BTNL2: variants seen among roughly 807,000 people sequenced by gnomAD.
BTNL2 encodes butyrophilin like 2.
In BTNL2, 46 loss-of-function variants were observed where a neutral mutation model predicts 46.8. The ratio of observed to expected loss-of-function variants is 0.98; its 90% CI spans 0.78 to 1.26. The LOEUF is 1.26. Ranked by LOEUF, BTNL2 falls within the 50% of genes most tolerant of loss-of-function variation. The pLI, the probability that BTNL2 is intolerant of heterozygous loss-of-function variation, is 0.00. For missense variants in BTNL2, 461 were observed against 592.6 expected, an observed-to-expected ratio of 0.78 and a Z score of 2.31; for synonymous variants, 226 against 229.1, an observed-to-expected ratio of 0.99 and a Z score of 0.12.
intron 5 of BTNL2, 29 bp from the exon 6 acceptor site, chr6:32,395,054 G>C (rs1776362806): frequency 6.5e-7 from 1 of 1,535,646 alleles, no homozygotes; most frequent in African/African-American, 1.4e-5. Context: ...CCAAAGCCTG[G>C]GGTCCTTTCA....
chr6:32,394,744 C>G lies in BTNL2; in HGVS notation c.1360G>C (p.Glu454Gln), dbSNP rs28362675. The G allele has an allele frequency of 7.4e-5, 120 of 1,611,096 alleles. No individual in the cohort carries two copies. The highest frequency in any genetic ancestry group is 1.3e-4 in the Admixed American group (8 of 59,952). Reference protein sequence around the residue: ...EEKIATFSLSESRMTFLWKTL... With the variant: ...EEKIATFSLSQSRMTFLWKTL... ...TGAAGGAACATAAGGAATCACCAACCTGAGAGAGAAAAAGTTGCGATTTTC... is the reference window on the plus strand; with the variant it reads ...TGAAGGAACATAAGGAATCACCAACGTGAGAGAGAAAAAGTTGCGATTTTC... Residue 454 changes from glutamate (E) to glutamine (Q), a missense_variant and splice_region_variant, in exon 6 of 8, where the codon GAG becomes CAG. Coordinates refer to ENST00000454136, the MANE Select transcript of BTNL2 (RefSeq NM_001304561.2). This position sits in a 1 kb window ranked among gnomAD's most constrained non-coding sequence, Gnocchi z 4.6.
chr6:32,393,941 T>C lies in BTNL2; in HGVS notation c.*6+22A>G. ...CGGTTCCCACTGCAGTGTGCTCCGC[T>C]GTTTCTGTTTCCCTGACTTACCTCT... On this transcript the variant is annotated intron_variant, in intron 7 of 7. Transcript: ENST00000454136. The surrounding 1 kb of genome is among the most constrained non-coding windows in gnomAD (Gnocchi z 4.8). 6.5e-7 allele frequency: 1 copy of C among 1,548,860 alleles called. No individual in the cohort carries two copies. The highest frequency in any genetic ancestry group is 1.2e-5 in the South Asian group (1 of 83,892).
rs138855114 is a variant in BTNL2 at position 32,399,888 on chromosome 6, A to G, written c.730+1897T>C. Among the ~76,000 whole-genome samples, 2,665 of 152,258 alleles carry G rather than the reference A, an allele frequency of 0.018. 77 individuals are homozygous for G. The highest frequency in any genetic ancestry group is 0.11 in the East Asian group (568 of 5,188). ...GTCCCATCATTAGAGCTCACCTGCA[A>G]AGCTTCCGTGCCCAGAGCCCTCCTC... is the stretch of plus-strand genomic sequence containing the variant. On this transcript the variant is annotated intron_variant, in intron 4 of 7. Transcript: ENST00000454136. This position sits in a 1 kb window ranked among gnomAD's most constrained non-coding sequence, Gnocchi z 5.2.
In BTNL2 at chr6:32,404,938, C is replaced by A. The variant is rs545178082; in HGVS notation, c.427+1G>T. ...CCCTGTGTCTTTCCCCAGATATTCA[C>A]CTGCTACTTTGAGCAGCAAGCTTGT... is the stretch of plus-strand genomic sequence containing the variant. On this transcript the variant is annotated splice_donor_variant, in intron 2 of 7. Coordinates refer to ENST00000454136, the MANE Select transcript of BTNL2 (RefSeq NM_001304561.2). LOFTEE classifies it high-confidence loss of function. 17 of 1,611,706 alleles carry A rather than the reference C, an allele frequency of 1.1e-5. No homozygotes were observed. The Admixed American group carries it at 2.2e-4, about 21-fold the overall frequency.
rs3817972 is a variant in BTNL2 at position 32,393,353 on chromosome 6, C to T, written c.*43G>A. On this transcript the variant is annotated 3_prime_UTR_variant, in exon 8 of 8. Transcript: ENST00000454136. The surrounding 1 kb of genome is among the most constrained non-coding windows in gnomAD (Gnocchi z 4.8). ...CTTGTTCTGTTCAGAAGAAATCAGT[C>T]TCAGGTGAGCTGTGTTTGAAGCCAA... is the stretch of plus-strand genomic sequence containing the variant. 22,104 of 152,636 alleles carry T rather than the reference C, an allele frequency of 0.14. 1,719 individuals are homozygous for T. The highest frequency in any genetic ancestry group is 0.15 in the African/African-American group (6,205 of 41,516). The allele number at this position is 152,636 out of a possible 1,614,324, so 9.5% of individuals were successfully genotyped here. A position where few individuals can be genotyped will look rare whatever the true frequency, so the allele number is the denominator to read the frequency against.
chr6:32,407,002 C>T, intron 1 of BTNL2, 43 bp downstream of exon 1: 2 of 1,579,306 alleles, frequency 1.3e-6, no homozygotes. Context: ...GACTAGCTCA[C>T]TGGGACATTA....
At chr6:32,402,875 C>A in intron 3 of BTNL2, 60 bp downstream of exon 3, 1 of 1,538,704 alleles carries the variant, frequency 6.5e-7, no homozygotes, top group South Asian at 1.2e-5. Context: ...TGCTATGGTG[C>A]AGTCCCTGGG....
At position 32,404,935 on chromosome 6, in the gene BTNL2, T is replaced by TTTGAG; in HGVS notation, c.427+3_427+4insCTCAA. ...AGACCCTGTGTCTTTCCCCAGATAT[T>TTTGAG]CACCTGCTACTTTGAGCAGCAAGCT... On this transcript the variant is annotated splice_donor_region_variant and intron_variant, in intron 2 of 7. Coordinates refer to ENST00000454136, the MANE Select transcript of BTNL2 (RefSeq NM_001304561.2). 4 of 1,611,330 alleles carry TTTGAG rather than the reference T, an allele frequency of 2.5e-6. No homozygotes were observed. Among genetic ancestry groups the TTTGAG allele is most frequent in the African/African-American group, 1.3e-5 (1 of 75,036 alleles).
At chr6:32,404,162 G>GT (rs1454840413) in intron 2 of BTNL2, among the ~76,000 whole-genome samples, 2 of 152,174 alleles carry the variant, frequency 1.3e-5, no homozygotes, top group African/African-American at 4.8e-5. Context: ...GAAGGAAGCA[G>GT]TATCAGCTGG....
At position 32,399,673 on chromosome 6, in the gene BTNL2, A is replaced by G. The variant is rs1583260255; in HGVS notation, c.730+2112T>C. 1.3e-5 allele frequency among the ~76,000 whole-genome samples: 2 copies of G among 152,254 alleles called. No individual in the cohort carries two copies. The highest frequency in any genetic ancestry group is 2.4e-5 in the African/African-American group (1 of 41,468). ...TCTCTAAGATTGTTTCTTAGCTGTA[A>G]TATGAGGATAAAGCAATTAAACTTT... is the stretch of plus-strand genomic sequence containing the variant. On this transcript the variant is annotated intron_variant, in intron 4 of 7. Coordinates refer to ENST00000454136, the MANE Select transcript of BTNL2 (RefSeq NM_001304561.2). This position sits in a 1 kb window ranked among gnomAD's most constrained non-coding sequence, Gnocchi z 5.2.
In BTNL2 at chr6:32,395,034, G is replaced by C; in HGVS notation, c.1079-9C>G. 1.3e-6 allele frequency: 2 copies of C among 1,547,628 alleles called. No homozygotes were observed. Among genetic ancestry groups the C allele is most frequent in the African/African-American group, 1.4e-5 (1 of 72,978 alleles). On this transcript the variant is annotated splice_polypyrimidine_tract_variant and intron_variant, in intron 5 of 7. Transcript: ENST00000454136. Reference sequence around the variant, plus strand: ...TGGGGAAGAACCCAGACCTGGGGCAGAGAAAGCAACCAAAGCCTGGGGTCC... The same window carrying C: ...TGGGGAAGAACCCAGACCTGGGGCACAGAAAGCAACCAAAGCCTGGGGTCC...
chr6:32,405,562 G>A (rs1213131576), intron 1 of BTNL2: 6 of 451,672 alleles, frequency 1.3e-5, no homozygotes, highest in Non-Finnish European at 2.1e-5. Context: ...CTCTTGGTAA[G>A]ATTTTGAGAT....
In BTNL2 at chr6:32,394,679, G is replaced by A. The variant is rs564671184; in HGVS notation, c.1360+65C>T. ...CACAAAGGAAGAAGAGCAATACAAT[G>A]AGTAAGTCTGAGTTGGTCTTCATAT... is the stretch of plus-strand genomic sequence containing the variant. On this transcript the variant is annotated intron_variant, in intron 6 of 7. Transcript: ENST00000454136. The surrounding 1 kb of genome is among the most constrained non-coding windows in gnomAD (Gnocchi z 4.6). 2 of 1,500,138 alleles carry A rather than the reference G, an allele frequency of 1.3e-6. No individual in the cohort carries two copies. Among genetic ancestry groups the A allele is most frequent in the Non-Finnish European group, 1.8e-6 (2 of 1,098,174 alleles). 92.9% of individuals were successfully genotyped at this position (1,500,138 alleles called of 1,614,324 possible). A position where few individuals can be genotyped will look rare whatever the true frequency, so the allele number is the denominator to read the frequency against.
chr6:32,405,004 T>C lies in BTNL2; in HGVS notation c.362A>G (p.Gln121Arg). The change falls in exon 2 of 8, where the codon CAA becomes CGA. Residue 121 changes from glutamine to arginine, a missense_variant. Physicochemically the swap from Gln to Arg is conservative, Grantham distance 43. Transcript: ENST00000454136. The stretch of plus-strand genomic sequence containing the variant: ...CCCATCCTGGAAATGGCACCAGTAT[T>C]GTCCATTGTCGGAGGGCTGGATGTT... ...IHNIQPSDNG[Q>R]YWCHFQDGNY... 10 of 1,613,132 alleles carry C rather than the reference T, an allele frequency of 6.2e-6. No homozygotes were observed. The highest frequency in any genetic ancestry group is 8.5e-6 in the Non-Finnish European group (10 of 1,180,040).
rs1485589280 is a variant in BTNL2 at position 32,394,654 on chromosome 6, C to G, written c.1360+90G>C. On this transcript the variant is annotated intron_variant, in intron 6 of 7. Coordinates refer to ENST00000454136, the MANE Select transcript of BTNL2 (RefSeq NM_001304561.2). The surrounding 1 kb of genome is among the most constrained non-coding windows in gnomAD (Gnocchi z 4.6). ...TCGTCAGAGATCAGCAAATAAAAAT[C>G]ACAAAGGAAGAAGAGCAATACAATG... The G allele has an allele frequency of 7.0e-7, 1 of 1,438,634 alleles. No individual in the cohort carries two copies. Among genetic ancestry groups the G allele is most frequent in the Non-Finnish European group, 9.4e-7 (1 of 1,058,446 alleles). The allele number at this position is 1,438,634 out of a possible 1,614,324, so 89.1% of individuals were successfully genotyped here. A position where few individuals can be genotyped will look rare whatever the true frequency, so the allele number is the denominator to read the frequency against.
Position 32,394,659 on chromosome 6 carries a change from A to T in BTNL2, c.1360+85T>A. On this transcript the variant is annotated intron_variant, in intron 6 of 7. Transcript: ENST00000454136. The surrounding 1 kb of genome is among the most constrained non-coding windows in gnomAD (Gnocchi z 4.6). ...AGAGATCAGCAAATAAAAATCACAA[A>T]GGAAGAAGAGCAATACAATGAGTAA... 6.9e-7 allele frequency: 1 copy of T among 1,439,624 alleles called. No homozygotes were observed. The highest frequency in any genetic ancestry group is 9.5e-7 in the Non-Finnish European group (1 of 1,057,942). The allele number at this position is 1,439,624 out of a possible 1,614,324, so 89.2% of individuals were successfully genotyped here.
chr6:32,394,715 A>G lies in BTNL2; in HGVS notation c.1360+29T>C. 1.3e-6 allele frequency: 2 copies of G among 1,588,830 alleles called. No individual in the cohort carries two copies. Among genetic ancestry groups the G allele is most frequent in the Non-Finnish European group, 1.7e-6 (2 of 1,164,532 alleles). ...AGTTGGTCTTCATATTTATTTTCCA[A>G]ACCTGAAGGAACATAAGGAATCACC... is the stretch of plus-strand genomic sequence containing the variant. On this transcript the variant is annotated intron_variant, in intron 6 of 7. Coordinates refer to ENST00000454136, the MANE Select transcript of BTNL2 (RefSeq NM_001304561.2). This position sits in a 1 kb window ranked among gnomAD's most constrained non-coding sequence, Gnocchi z 4.6.
chr6:32,393,910 G>T lies in BTNL2; in HGVS notation c.*6+53C>A. The T allele has an allele frequency of 6.5e-7, 1 of 1,541,074 alleles. No homozygotes were observed. Among genetic ancestry groups the T allele is most frequent in the East Asian group, 2.5e-5 (1 of 40,668 alleles). ...TGAAAAGGGAGGCTCGGGGAAGTAC[G>T]CAGTACGGTTCCCACTGCAGTGTGC... On this transcript the variant is annotated intron_variant, in intron 7 of 7. Transcript: ENST00000454136. The surrounding 1 kb of genome is among the most constrained non-coding windows in gnomAD (Gnocchi z 4.8).
At chr6:32,404,024 G>A (rs1320041476) in intron 2 of BTNL2, among the ~76,000 whole-genome samples, 2 of 152,038 alleles carry the variant, frequency 1.3e-5, no homozygotes, top group African/African-American at 2.4e-5. Flanking sequence ...ACATCAGTAC[G>A]TTCCCTGTCC....
Sources: gnomAD v4.1 joint callset for allele counts (sites outside exome capture counted in the v4.1 genomes callset) on GRCh38, gnomAD v4.1.1 for gene constraint, Gnocchi (gnomAD v3.1) non-coding constraint, MANE v1.5 for transcripts, NCBI Gene and HGNC (gene_info 2026-07-23, HGNC 2026-07-21) for gene names.